Variants in EIF3M observed in about 807,000 individuals in gnomAD.
EIF3M encodes the protein eukaryotic translation initiation factor 3 subunit M, also known as B5 receptor.
In EIF3M, 25 loss-of-function variants were observed where a neutral mutation model predicts 49.7. That is an observed-to-expected ratio of 0.50 (90% confidence interval 0.37 to 0.70). The LOEUF is 0.70. Ranked by LOEUF, EIF3M falls within the 30% of genes least tolerant of loss-of-function variation. The pLI is 0.00. For missense variants in EIF3M, 350 were observed against 440.0 expected (o/e 0.80, Z 1.83); for synonymous variants, 156 against 149.8 (o/e 1.04, Z -0.30).
intron 1 of EIF3M, among the ~76,000 whole-genome samples, chr11:32,585,343 T>C (rs1166104881): frequency 2.6e-5 from 4 of 152,208 alleles, no homozygotes; most frequent in African/African-American, 4.8e-5. Context: ...TTCTTGTCAT[T>C]GATCGTATCT....
In EIF3M at chr11:32,589,009, C is replaced by G; in HGVS notation, c.315-3C>G. On this transcript the variant is annotated splice_polypyrimidine_tract_variant and splice_region_variant and intron_variant, in intron 3 of 10. Coordinates refer to ENST00000531120, the MANE Select transcript of EIF3M (RefSeq NM_006360.6). ...ATTGTTTATTTGTTTGTTAACCAAC[C>G]AGGTTAAGCAACCTTTTCCACGGGA... is the stretch of plus-strand genomic sequence containing the variant. 1 of 1,611,748 alleles carries G rather than the reference C, an allele frequency of 6.2e-7. No homozygotes were observed. The highest frequency in any genetic ancestry group is 8.5e-7 in the Non-Finnish European group (1 of 1,179,640).
At chr11:32,584,062 C>A in intron 1 of EIF3M, 133 bp downstream of exon 1, 2 of 1,253,742 alleles carry the variant, frequency 1.6e-6, no homozygotes, top group Non-Finnish European at 2.2e-6. Flanking sequence ...AATGGGGAGG[C>A]CGGTGGCTGG....
rs975670163 is a variant in EIF3M, at chr11:32,601,813, T to C, written c.995T>C (p.Val332Ala). 1.9e-6 allele frequency: 3 copies of C among 1,612,606 alleles called. No homozygotes were observed. The highest frequency in any genetic ancestry group is 2.2e-5 in the East Asian group (1 of 44,748). ...AAAATTGATCAGACCCAGAGAAAAG[T>C]AGTTGTCAGGTAAGATATTTAATGC... is the stretch of plus-strand genomic sequence containing the variant. ...YCKIDQTQRK[V>A]VVSHSTHRTF... Residue 332 changes from valine to alanine, a missense_variant, in exon 10 of 11, where the codon GTA becomes GCA. Coordinates refer to ENST00000531120, the MANE Select transcript of EIF3M (RefSeq NM_006360.6).
At chr11:32,593,300 C>T (rs1855130029) in intron 5 of EIF3M, among the ~76,000 whole-genome samples, 2 of 152,194 alleles carry the variant, frequency 1.3e-5, no homozygotes, top group African/African-American at 4.8e-5. Flanking sequence ...GCCCTATTTA[C>T]TCCAGTGAAA....
intron 1 of EIF3M, chr11:32,584,163 C>T (rs1854954489): frequency 3.4e-6 from 2 of 581,998 alleles, no homozygotes; most frequent in African/African-American, 1.9e-5. Flanking sequence ...CCCTGGTCGG[C>T]GTCGGGACTC....
chr11:32,601,846 CA>C, intron 10 of EIF3M, 24 bp downstream of exon 10: 2 of 1,607,538 alleles, frequency 1.2e-6, no homozygotes, highest in Non-Finnish European at 8.5e-7. Flanking sequence ...TGCTTTGCAG[CA>C]TTTTATAGAA....
Position 32,602,433 on chromosome 11 carries a change from A to T in EIF3M, c.*34A>T. ...GCTTATAATTTTTGTTCTTTGAAAA[A>T]AAAGCCCTAAATCATAGTAAAACAT... On this transcript the variant is annotated 3_prime_UTR_variant, in exon 11 of 11. Coordinates refer to ENST00000531120, the MANE Select transcript of EIF3M (RefSeq NM_006360.6). 1 of 1,599,820 alleles carries T rather than the reference A, an allele frequency of 6.3e-7. No homozygotes were observed. The highest frequency in any genetic ancestry group is 8.5e-7 in the Non-Finnish European group (1 of 1,173,500).
chr11:32,588,491 AT>A lies in EIF3M; in HGVS notation c.176-100del, dbSNP rs1344419825. The stretch of plus-strand genomic sequence containing the variant: ...CTTTCTGAATGCGAAAGTGTCTTAC[AT>A]TTGATGGTCTTCATTGTATTAAAAC... On this transcript the variant is annotated intron_variant, in intron 2 of 10. Coordinates refer to ENST00000531120, the MANE Select transcript of EIF3M (RefSeq NM_006360.6). 9 of 1,354,552 alleles carry A rather than the reference AT, an allele frequency of 6.6e-6. No homozygotes were observed. In the African/African-American group the frequency reaches 1.0e-4, roughly 15 times the overall value. The allele number at this position is 1,354,552 out of a possible 1,614,324, so 83.9% of individuals were successfully genotyped here.
At chr11:32,585,521 T>G (rs1854981773) in intron 1 of EIF3M, among the ~76,000 whole-genome samples, 1 of 152,212 alleles carries the variant, frequency 6.6e-6, no homozygotes, top group African/African-American at 2.4e-5. Context: ...TTTCCTTTGC[T>G]TATGCTGCTT....
rs974309773 is a variant in EIF3M at position 32,602,477 on chromosome 11, G to C, written c.*78G>C. The C allele has an allele frequency of 3.9e-5, 59 of 1,505,876 alleles. No homozygotes were observed. Among genetic ancestry groups the C allele is most frequent in the Non-Finnish European group, 5.0e-5 (56 of 1,121,162 alleles). The allele number at this position is 1,505,876 out of a possible 1,614,324, so 93.3% of individuals were successfully genotyped here. A position where few individuals can be genotyped will look rare whatever the true frequency, so the allele number is the denominator to read the frequency against. On this transcript the variant is annotated 3_prime_UTR_variant, in exon 11 of 11. Transcript: ENST00000531120. ...AAAACATTATAAACTAAAAAAATTT[G>C]CCTAGTCTGGACAGTTATTGTCTCA...
chr11:32,602,658 CAG>C lies in EIF3M; in HGVS notation c.*261_*262del. On this transcript the variant is annotated 3_prime_UTR_variant, in exon 11 of 11. Coordinates refer to ENST00000531120, the MANE Select transcript of EIF3M (RefSeq NM_006360.6). ...GAAAGGATAATATACAGAGAGAAGACAGAAGTAGAGTAATACAATTTCTTCAC... is the reference window on the plus strand; with the variant it reads ...GAAAGGATAATATACAGAGAGAAGACAAGTAGAGTAATACAATTTCTTCAC... 2.6e-6 allele frequency: 2 copies of C among 770,272 alleles called. No homozygotes were observed. Among genetic ancestry groups the C allele is most frequent in the Non-Finnish European group, 2.0e-6 (1 of 493,680 alleles). The allele number at this position is 770,272 out of a possible 1,614,324, so 47.7% of individuals were successfully genotyped here.
chr11:32,593,976 G>T (rs553748972), intron 6 of EIF3M, 27 bp downstream of exon 6: 3 of 1,421,662 alleles, frequency 2.1e-6, no homozygotes, highest in Middle Eastern at 1.9e-4. Flanking sequence ...CTCTGATGAG[G>T]GTTTGACAGC....
In EIF3M at chr11:32,606,075, T is replaced by C. The variant is rs1441510611; in HGVS notation, c.*3676T>C. 1 of 151,982 alleles carries C rather than the reference T, an allele frequency of 6.6e-6. No individual in the cohort carries two copies. The highest frequency in any genetic ancestry group is 1.5e-5 in the Non-Finnish European group (1 of 68,008). The allele number at this position is 151,982 out of a possible 1,614,324, so 9.4% of individuals were successfully genotyped here. A position where few individuals can be genotyped will look rare whatever the true frequency, so the allele number is the denominator to read the frequency against. On this transcript the variant is annotated 3_prime_UTR_variant, in exon 11 of 11. Transcript: ENST00000531120. The stretch of plus-strand genomic sequence containing the variant: ...GGTTTTCCATCCTCATTCCTGGATA[T>C]AATCAAGATTGCAGTAGGCTAACAA...
At chr11:32,595,455 AC>A (rs995571657) in intron 7 of EIF3M, among the ~76,000 whole-genome samples, 2 of 151,320 alleles carry the variant, frequency 1.3e-5, no homozygotes, top group South Asian at 4.2e-4. Flanking sequence ...CCGACTCCTG[AC>A]CCCCCTGACC....
At position 32,605,352 on chromosome 11, in the gene EIF3M, T is replaced by C. The variant is rs528605568; in HGVS notation, c.*2953T>C. On this transcript the variant is annotated 3_prime_UTR_variant, in exon 11 of 11. Transcript: ENST00000531120. ...TTTGTTCATATTTATCTGATTGGCTTTGTTCTTCCAAAAGTGTCTGCACAG... is the reference window on the plus strand; with the variant it reads ...TTTGTTCATATTTATCTGATTGGCTCTGTTCTTCCAAAAGTGTCTGCACAG... 1 of 152,204 alleles carries C rather than the reference T, an allele frequency of 6.6e-6. No homozygotes were observed. Among genetic ancestry groups the C allele is most frequent in the South Asian group, 2.1e-4 (1 of 4,814 alleles). 9.4% of individuals were successfully genotyped at this position (152,204 alleles called of 1,614,324 possible). A position where few individuals can be genotyped will look rare whatever the true frequency, so the allele number is the denominator to read the frequency against.
Position 32,602,735 on chromosome 11 carries a change from A to ACAGT in EIF3M, c.*339_*342dup. ...GACAAACTGTAGAGCTTTAAATACA[A>ACAGT]CAGTCATTTTATTCTAGTAAAAACT... On this transcript the variant is annotated 3_prime_UTR_variant, in exon 11 of 11. Coordinates refer to ENST00000531120, the MANE Select transcript of EIF3M (RefSeq NM_006360.6). 2.7e-6 allele frequency: 3 copies of ACAGT among 1,129,668 alleles called. No homozygotes were observed. In the South Asian group the frequency reaches 5.0e-5, roughly 19 times the overall value. The allele number at this position is 1,129,668 out of a possible 1,614,324, so 70.0% of individuals were successfully genotyped here. A position where few individuals can be genotyped will look rare whatever the true frequency, so the allele number is the denominator to read the frequency against.
At position 32,588,677 on chromosome 11, in the gene EIF3M, T is replaced by C. The variant is rs1421609517; in HGVS notation, c.259T>C (p.Cys87Arg). 4 of 1,614,216 alleles carry C rather than the reference T, an allele frequency of 2.5e-6. No individual in the cohort carries two copies. The highest frequency in any genetic ancestry group is 1.7e-5 in the Admixed American group (1 of 60,026). Residue 87 changes from cysteine (C) to arginine (R), a missense_variant, in exon 3 of 11, where the codon TGT becomes CGT. Coordinates refer to ENST00000531120, the MANE Select transcript of EIF3M (RefSeq NM_006360.6). ...GCAAGAAGCTTTGATTGAAAGCCTATGTGAAAAGCTGGTCAAATTTCGCGA... is the reference window on the plus strand; with the variant it reads ...GCAAGAAGCTTTGATTGAAAGCCTACGTGAAAAGCTGGTCAAATTTCGCGA... Reference protein sequence around the residue: ...DKQEALIESLCEKLVKFREGE... With the variant: ...DKQEALIESLREKLVKFREGE...
At chr11:32,601,979 A>G in intron 10 of EIF3M, 157 bp downstream of exon 10, 1 of 887,008 alleles carries the variant, frequency 1.1e-6, no homozygotes, top group Non-Finnish European at 1.7e-6. Context: ...ACTGAATGTG[A>G]TTAGCTTATT....
chr11:32,599,737 G>A (rs1309755179), intron 8 of EIF3M, among the ~76,000 whole-genome samples: 1 of 151,778 alleles, frequency 6.6e-6, no homozygotes, highest in African/African-American at 2.4e-5. Context: ...CTCCTACTTA[G>A]GACTAGGTTA....
Sources: gnomAD v4.1 joint callset for allele counts (sites outside exome capture counted in the v4.1 genomes callset) on GRCh38, gnomAD v4.1.1 for gene constraint, MANE v1.5 for transcripts, NCBI Gene and HGNC (gene_info 2026-07-23, HGNC 2026-07-21) for gene names.